CCAR2: variants seen among roughly 807,000 people sequenced by gnomAD.
The protein encoded by CCAR2 is cell cycle and apoptosis regulator 2, also known as cell cycle and apoptosis regulator protein 2.
CCAR2 carries 21 observed loss-of-function variants against 108.1 expected under a neutral mutation model. The ratio of observed to expected loss-of-function variants is 0.19; its 90% CI spans 0.14 to 0.28. The LOEUF (loss-of-function observed/expected upper bound fraction) is 0.28, where lower values mean the gene tolerates loss of function less well. CCAR2 is among the 10% of genes least tolerant of loss of function. CCAR2 has a pLI of 1.00. For missense variants in CCAR2, 1,126 were observed against 1,177.0 expected, an observed-to-expected ratio of 0.96 and a Z score of 0.63; for synonymous variants, 577 against 472.8, an observed-to-expected ratio of 1.22 and a Z score of -2.86.
intron 18 of CCAR2, 23 bp downstream of exon 18, chr8:22,618,751 C>G: frequency 6.2e-7 from 1 of 1,613,638 alleles, no homozygotes; most frequent in Non-Finnish European, 8.5e-7. Context: ...GCCCTGCAGC[C>G]TTCCTGGGGC....
At chr8:22,610,908 GT>G (rs1020220059) in intron 7 of CCAR2, among the ~76,000 whole-genome samples, 1 of 152,018 alleles carries the variant, frequency 6.6e-6, no homozygotes. Flanking sequence ...TGGTCTAAAG[GT>G]TTTTTCTCCT....
intron 7 of CCAR2, 148 bp downstream of exon 7, chr8:22,608,213 A>G (rs1191455786): frequency 3.3e-6 from 2 of 614,470 alleles, no homozygotes; most frequent in East Asian, 5.6e-5. Context: ...CTTTGCCTGC[A>G]GCTAGATCCT....
chr8:22,612,007 C>T (rs547060156), intron 7 of CCAR2, among the ~76,000 whole-genome samples: 12 of 151,158 alleles, frequency 7.9e-5, no homozygotes, highest in African/African-American at 1.7e-4. Context: ...TGGAATGGCG[C>T]GATCTCGGCT....
chr8:22,621,454 GCTCA>G (rs762049020), downstream of CCAR2: 13 of 1,613,662 alleles, frequency 8.1e-6, no homozygotes, highest in Admixed American at 3.3e-5. Context: ...AGGGCCCGGA[GCTCA>G]CTGAGTTTGG....
Position 22,619,136 on chromosome 8 carries a change from TCTC to T in CCAR2, c.2522-12_2522-10del. The T allele has an allele frequency of 6.2e-7, 1 of 1,604,170 alleles. No individual in the cohort carries two copies. Among genetic ancestry groups the T allele is most frequent in the Non-Finnish European group, 8.5e-7 (1 of 1,174,660 alleles). ...GATGGAGCAGCCGTCCCCGTTTCCT[TCTC>T]CACCTTGCAGAGGAGAGCCATAACC... On this transcript the variant is annotated splice_polypyrimidine_tract_variant and intron_variant, in intron 19 of 20. Coordinates refer to ENST00000308511, the MANE Select transcript of CCAR2 (RefSeq NM_001393997.1).
downstream of CCAR2, chr8:22,621,394 A>C: frequency 6.2e-7 from 1 of 1,604,076 alleles, no homozygotes; most frequent in Non-Finnish European, 8.5e-7. Context: ...TGACCACGTC[A>C]CAGGAGTCCT....
chr8:22,617,658 G>C lies in CCAR2; in HGVS notation c.1991-38G>C, dbSNP rs748809061. The stretch of plus-strand genomic sequence containing the variant: ...TTTCATTTTTGTACTGTGGAGTTGG[G>C]TGGGCCCTGCTCTCCATTTATCTTG... On this transcript the variant is annotated intron_variant, in intron 15 of 20. Coordinates refer to ENST00000308511, the MANE Select transcript of CCAR2 (RefSeq NM_001393997.1). 1.9e-6 allele frequency: 3 copies of C among 1,614,146 alleles called. No homozygotes were observed. The South Asian group carries it at 3.3e-5, about 18-fold the overall frequency.
At chr8:22,615,321 G>C in intron 11 of CCAR2, 104 bp from the exon 12 acceptor site, 1 of 1,361,786 alleles carries the variant, frequency 7.3e-7, no homozygotes, top group Non-Finnish European at 1.0e-6. Flanking sequence ...TTCGCAGTGT[G>C]TGCTCATTGA....
intron 14 of CCAR2, 112 bp from the exon 15 acceptor site, chr8:22,617,308 C>A: frequency 8.2e-7 from 1 of 1,220,392 alleles, no homozygotes; most frequent in Non-Finnish European, 1.1e-6. Context: ...ATCTGTAGAG[C>A]CCTCCATACA....
chr8:22,617,291 A>G, intron 14 of CCAR2, 129 bp from the exon 15 acceptor site: 2 of 1,029,246 alleles, frequency 1.9e-6, no homozygotes, highest in Non-Finnish European at 2.7e-6. Context: ...ACATGAAATG[A>G]GACGGTATCT....
Position 22,615,693 on chromosome 8 carries a change from T to C in CCAR2, c.1389T>C (p.Pro463=), listed in dbSNP as rs759382702. The change falls in exon 13 of 21, where the codon CCT becomes CCC. Residue 463 remains proline, a synonymous_variant. Transcript: ENST00000308511. ...AGCTGTTGTCACAGGAAACGGAGCCTACTGAACAGGCACCTGATGCCTTGG... is the reference window on the plus strand; with the variant it reads ...AGCTGTTGTCACAGGAAACGGAGCCCACTGAACAGGCACCTGATGCCTTGG... ...PTQEAQGETE[P]TEQAPDALEQ... is the part of the protein sequence containing the mutation. 5.0e-6 allele frequency: 8 copies of C among 1,613,680 alleles called. No individual in the cohort carries two copies. In the South Asian group the frequency reaches 7.7e-5, roughly 16 times the overall value.
At chr8:22,617,301 T>C in intron 14 of CCAR2, 119 bp from the exon 15 acceptor site, 1 of 1,162,830 alleles carries the variant, frequency 8.6e-7, no homozygotes, top group Non-Finnish European at 1.2e-6. Flanking sequence ...AGACGGTATC[T>C]GTAGAGCCCT....
chr8:22,614,161 C>T lies in CCAR2; in HGVS notation c.774C>T (p.Ser258=), dbSNP rs202239293. ...RSLLVPSDFL[S]VHLSWLSAFP... The stretch of plus-strand genomic sequence containing the variant: ...TCCTGGTCCCCTCAGATTTTCTGTC[C>T]GTGCATCTGAGTTGGCTATCAGCCT... Residue 258 remains serine, a synonymous_variant, in exon 9 of 21, where the codon TCC becomes TCT. Coordinates refer to ENST00000308511, the MANE Select transcript of CCAR2 (RefSeq NM_001393997.1). 111 of 1,613,954 alleles carry T rather than the reference C, an allele frequency of 6.9e-5. No homozygotes were observed. Among genetic ancestry groups the T allele is most frequent in the African/African-American group, 2.8e-4 (21 of 74,914 alleles).
rs1801412865 is a variant in CCAR2 at position 22,614,379 on chromosome 8, C to T, written c.928-11C>T. 1.9e-6 allele frequency: 3 copies of T among 1,613,924 alleles called. No individual in the cohort carries two copies. The highest frequency in any genetic ancestry group is 2.2e-5 in the South Asian group (2 of 91,092). On this transcript the variant is annotated splice_polypyrimidine_tract_variant and intron_variant, in intron 9 of 20. Transcript: ENST00000308511. ...GGCTGAAGGCAGCTCTGAGTGTCTC[C>T]TCCTGCACAGGTACTGCTGCTCTCT...
At chr8:22,613,887 C>G (rs1801392984) in intron 8 of CCAR2, 1 of 583,668 alleles carries the variant, frequency 1.7e-6, no homozygotes, top group Non-Finnish European at 3.0e-6. Context: ...TAAGTGTTTT[C>G]TTTTTTCCCT....
At chr8:22,609,613 C>G (rs1040686482) in intron 7 of CCAR2, among the ~76,000 whole-genome samples, 1 of 152,242 alleles carries the variant, frequency 6.6e-6, no homozygotes, top group Non-Finnish European at 1.5e-5. Context: ...CTCCTCTTGT[C>G]CTGTGCATCT....
intron 12 of CCAR2, 34 bp from the exon 13 acceptor site, chr8:22,615,648 G>A: frequency 6.2e-7 from 1 of 1,613,668 alleles, no homozygotes; most frequent in Non-Finnish European, 8.5e-7. Context: ...CTAATCCCGG[G>A]ACCCAGAGGG....
chr8:22,613,298 C>T (rs1801365349), intron 8 of CCAR2, among the ~76,000 whole-genome samples, 162 bp downstream of exon 8: 1 of 151,038 alleles, frequency 6.6e-6, no homozygotes, highest in Admixed American at 6.6e-5. Context: ...GGTGGTTTGC[C>T]TTTTCACTGA....
At chr8:22,621,390 C>A (rs201299945), downstream of CCAR2, 10 of 1,599,754 alleles carry the variant, frequency 6.3e-6, no homozygotes, top group Non-Finnish European at 8.5e-6. Context: ...AGGCTGACCA[C>A]GTCACAGGAG....
Sources: allele counts gnomAD v4.1 joint callset (sites outside exome capture counted in the v4.1 genomes callset), GRCh38; gene constraint gnomAD v4.1.1; transcripts MANE v1.5; gene names NCBI Gene and HGNC (gene_info 2026-07-23, HGNC 2026-07-21).